Variants in IQSEC1 observed in about 807,000 individuals in gnomAD.
The protein encoded by IQSEC1 is IQ motif and Sec7 domain ArfGEF 1, also known as IQ motif and SEC7 domain-containing protein 1.
In IQSEC1, 31 loss-of-function variants were observed where a neutral mutation model predicts 91.0. The ratio of observed to expected loss-of-function variants is 0.34; its 90% CI spans 0.26 to 0.46. The LOEUF (loss-of-function observed/expected upper bound fraction) is 0.46. Ranked by LOEUF, IQSEC1 falls within the 20% of genes least tolerant of loss-of-function variation. IQSEC1 has a pLI of 1.00. For synonymous variants in IQSEC1, 699 were observed against 662.6 expected (o/e 1.05, Z -0.84); for missense variants, 1,388 against 1,575.6 (o/e 0.88, Z 2.02).
At chr3:12,914,124 ACT>A (rs1270026175) in intron 8 of IQSEC1, among the ~76,000 whole-genome samples, 1 of 151,888 alleles carries the variant, frequency 6.6e-6, no homozygotes, top group Non-Finnish European at 1.5e-5. Context: ...TGCCTGAAAG[ACT>A]CTCCAAAATC....
intron 1 of IQSEC1, chr3:13,052,974 C>G: frequency 8.5e-7 from 1 of 1,172,056 alleles, no homozygotes; most frequent in East Asian, 2.3e-5. Flanking sequence ...TCTTTATAGA[C>G]CCAGCTTGGT....
intron 1 of IQSEC1, among the ~76,000 whole-genome samples, chr3:13,189,767 G>A (rs934164221): frequency 3.3e-5 from 5 of 152,106 alleles, no homozygotes; most frequent in Admixed American, 3.3e-4. Flanking sequence ...TCTTCCCCCA[G>A]GTCCTCCTGT....
At position 12,899,417 on chromosome 3, in the gene IQSEC1, T is replaced by G. The variant is rs763173427; in HGVS notation, c.*1566A>C. On this transcript the variant is annotated 3_prime_UTR_variant, in exon 14 of 14. Transcript: ENST00000613206. ...AGGAGCACAGCACTGACGGCTGCAG[T>G]GGCTCGAAAGGCTGAAACTACAAAG... 6 of 1,611,764 alleles carry G rather than the reference T, an allele frequency of 3.7e-6. No individual in the cohort carries two copies. The highest frequency in any genetic ancestry group is 5.1e-6 in the Non-Finnish European group (6 of 1,179,484).
At chr3:12,953,579 C>A (rs1699705644) in intron 1 of IQSEC1, among the ~76,000 whole-genome samples, 1 of 152,232 alleles carries the variant, frequency 6.6e-6, no homozygotes, top group African/African-American at 2.4e-5. Flanking sequence ...CAACATTGAG[C>A]ATCTCCCTAT....
At chr3:13,172,072 C>T (rs1168120430) in intron 1 of IQSEC1, among the ~76,000 whole-genome samples, 1 of 152,224 alleles carries the variant, frequency 6.6e-6, no homozygotes, top group South Asian at 2.1e-4. Flanking sequence ...CACATCCACA[C>T]GAGCCCATAG....
intron 1 of IQSEC1, among the ~76,000 whole-genome samples, chr3:12,976,739 C>T (rs1701193344): frequency 6.6e-6 from 1 of 152,196 alleles, no homozygotes; most frequent in African/African-American, 2.4e-5. Flanking sequence ...GTTCATTTGC[C>T]ACTGTATCCC....
At chr3:13,019,168 C>G (rs1178195901) in intron 1 of IQSEC1, among the ~76,000 whole-genome samples, 1 of 152,258 alleles carries the variant, frequency 6.6e-6, no homozygotes, top group Admixed American at 6.5e-5. Context: ...GCTCTAAACC[C>G]TGGGGTGCCC....
intron 1 of IQSEC1, among the ~76,000 whole-genome samples, chr3:13,253,712 T>C (rs540513821): frequency 6.6e-6 from 1 of 152,338 alleles, no homozygotes; most frequent in South Asian, 2.1e-4. Context: ...AGCCTCATTT[T>C]CTGGGAAGAT....
intron 1 of IQSEC1, among the ~76,000 whole-genome samples, chr3:12,981,523 C>T (rs897917773): frequency 1.6e-4 from 24 of 152,130 alleles, no homozygotes; most frequent in African/African-American, 5.6e-4. Flanking sequence ...CCCTTTCACT[C>T]CCCAAGTAGA....
chr3:13,082,749 C>T lies in IQSEC1; in HGVS notation c.303-35227G>A, dbSNP rs111808748. Among the ~76,000 whole-genome samples, 109 of 152,332 alleles carry T rather than the reference C, an allele frequency of 7.2e-4. 1 individual carries two copies. The South Asian group carries it at 0.011, about 15-fold the overall frequency. On this transcript the variant is annotated intron_variant, in intron 2 of 15. Coordinates refer to the IQSEC1 transcript ENST00000648114. ...TCTGGTTCCAACCCAGTGCTGGTCA[C>T]CCTTGGCTCTCGGAGACCTGTGCGG...
chr3:12,977,820 A>G (rs1559693161), intron 1 of IQSEC1, among the ~76,000 whole-genome samples: 1 of 152,244 alleles, frequency 6.6e-6, no homozygotes, highest in Non-Finnish European at 1.5e-5. Flanking sequence ...TTACTGATTT[A>G]AACAACACCT....
intron 1 of IQSEC1, among the ~76,000 whole-genome samples, chr3:13,054,895 C>T (rs777614053): frequency 1.3e-5 from 2 of 152,218 alleles, no homozygotes; most frequent in African/African-American, 4.8e-5. Flanking sequence ...ATTTGTAAAA[C>T]GGGGCTGATC....
At chr3:12,927,020 C>T (rs908397867) in intron 3 of IQSEC1, among the ~76,000 whole-genome samples, 3 of 152,132 alleles carry the variant, frequency 2.0e-5, no homozygotes, top group Non-Finnish European at 4.4e-5. Flanking sequence ...CGCTATGATT[C>T]GGGGGTCTCC....
chr3:13,222,412 AT>A (rs1422232084), intron 1 of IQSEC1, among the ~76,000 whole-genome samples: 1 of 152,180 alleles, frequency 6.6e-6, no homozygotes, highest in Non-Finnish European at 1.5e-5. Context: ...ATTGTGAGTA[AT>A]GCTGTTGTGA....
intron 1 of IQSEC1, among the ~76,000 whole-genome samples, chr3:13,210,123 C>G (rs1694416083): frequency 6.6e-6 from 1 of 152,116 alleles, no homozygotes; most frequent in Non-Finnish European, 1.5e-5. Context: ...GGGAGGCAGC[C>G]CAGCCTGGTG....
At chr3:13,125,454 G>A (rs1321716657) in intron 2 of IQSEC1, among the ~76,000 whole-genome samples, 1 of 152,224 alleles carries the variant, frequency 6.6e-6, no homozygotes, top group East Asian at 1.9e-4. Flanking sequence ...TTCACGGTCT[G>A]TCCCGGAGCA....
intron 5 of IQSEC1, 90 bp from the exon 6 acceptor site, chr3:12,920,686 G>T: frequency 7.3e-7 from 1 of 1,370,200 alleles, no homozygotes; most frequent in Non-Finnish European, 1.0e-6. Context: ...GTGCCGCTAA[G>T]CCTCAGCTCC....
rs575255674 is a variant in IQSEC1 at position 13,203,193 on chromosome 3, A to T, written c.273-39060T>A. ...CACACACACACACACACACACACAC[A>T]CTCTTATGCTCACACATGCACACAC... On this transcript the variant is annotated intron_variant, in intron 1 of 15. Coordinates refer to the IQSEC1 transcript ENST00000648114. 1.7e-3 allele frequency among the ~76,000 whole-genome samples: 234 copies of T among 141,726 alleles called. 2 individuals are homozygous for T. Among genetic ancestry groups the T allele is most frequent in the South Asian group, 2.3e-4 (1 of 4,396 alleles). The allele number at this position is 141,726 out of a possible 152,430, so 93.0% of individuals were successfully genotyped here.
intron 6 of IQSEC1, among the ~76,000 whole-genome samples, chr3:12,919,740 C>T (rs1042573202): frequency 1.3e-5 from 2 of 152,238 alleles, no homozygotes; most frequent in African/African-American, 2.4e-5. Context: ...CTGAGGGATG[C>T]GGTGCCTTCC....
Sources: allele counts gnomAD v4.1 joint callset (sites outside exome capture counted in the v4.1 genomes callset), GRCh38; gene constraint gnomAD v4.1.1; transcripts MANE v1.5; gene names NCBI Gene and HGNC (gene_info 2026-07-23, HGNC 2026-07-21).